PI4KA: variants seen among roughly 807,000 people sequenced by gnomAD.
PI4KA encodes the protein phosphatidylinositol 4-kinase alpha, also known as PI4-kinase alpha.
A neutral mutation model predicts 271.4 loss-of-function variants in PI4KA; 122 were observed. The observed-to-expected ratio is 0.45, with a 90% CI of 0.39 to 0.52. The LOEUF (loss-of-function observed/expected upper bound fraction) is 0.52. PI4KA is among the 20% of genes least tolerant of loss of function. PI4KA has a pLI of 0.00. For missense variants in PI4KA, 1,969 were observed against 2,769.1 expected, an observed-to-expected ratio of 0.71 and a Z score of 6.48; for synonymous variants, 1,041 against 1,078.8, an observed-to-expected ratio of 0.96 and a Z score of 0.69.
In PI4KA at chr22:20,764,630, T is replaced by G. The variant is rs165764; in HGVS notation, c.2708+187A>C. ...GCTTAGATACTGGGAGGTGTTACTA[T>G]ACGTGGTGTCTGGTGGTCATGAAGG... On this transcript the variant is annotated intron_variant, in intron 22 of 54. Transcript: ENST00000255882. 0.42 allele frequency: 229,774 copies of G among 547,848 alleles called. 50,178 individuals carry two copies. Among genetic ancestry groups the G allele is most frequent in the African/African-American group, 0.57 (29,656 of 51,948 alleles). 33.9% of individuals were successfully genotyped at this position (547,848 alleles called of 1,614,324 possible).
intron 27 of PI4KA, among the ~76,000 whole-genome samples, chr22:20,750,619 G>A (rs1930574687): frequency 6.6e-6 from 1 of 152,238 alleles, no homozygotes; most frequent in South Asian, 2.1e-4. Context: ...CTTGTGTCCT[G>A]GGTCTGGGAC....
chr22:20,739,259 T>C (rs1254499135), intron 32 of PI4KA, among the ~76,000 whole-genome samples: 1 of 148,764 alleles, frequency 6.7e-6, no homozygotes, highest in Non-Finnish European at 1.5e-5. Flanking sequence ...GACAGGAGAA[T>C]GGCGTGAACC....
In PI4KA at chr22:20,750,008, A is replaced by C. The variant is rs376560674; in HGVS notation, c.3154-14T>G. On this transcript the variant is annotated splice_polypyrimidine_tract_variant and intron_variant, in intron 27 of 54. Coordinates refer to ENST00000255882, the MANE Select transcript of PI4KA (RefSeq NM_058004.4). ...CTTCACAATGCTCTGGAAGAGGGTGAAGCTGCTTCTCAACAACCCGAGGTC... is the reference window on the plus strand; with the variant it reads ...CTTCACAATGCTCTGGAAGAGGGTGCAGCTGCTTCTCAACAACCCGAGGTC... The C allele has an allele frequency of 1.4e-4, 228 of 1,585,506 alleles. 2 individuals are homozygous for C. In the African/African-American group the frequency reaches 2.9e-3, roughly 20 times the overall value.
At chr22:20,752,575 C>T (rs1482204752) in intron 25 of PI4KA, among the ~76,000 whole-genome samples, 1 of 152,174 alleles carries the variant, frequency 6.6e-6, no homozygotes, top group East Asian at 1.9e-4. Flanking sequence ...CTGATCCTAC[C>T]AGGGGACCTC....
intron 32 of PI4KA, among the ~76,000 whole-genome samples, 174 bp downstream of exon 32, chr22:20,742,054 T>C (rs1475654864): frequency 1.3e-5 from 2 of 152,236 alleles, no homozygotes; most frequent in African/African-American, 2.4e-5. Flanking sequence ...TTAACATATA[T>C]TCTATTTTCT....
chr22:20,814,282 A>G (rs1921448657), intron 7 of PI4KA, among the ~76,000 whole-genome samples: 1 of 152,210 alleles, frequency 6.6e-6, no homozygotes, highest in Non-Finnish European at 1.5e-5. Context: ...TATTAGAGGA[A>G]CTTAAATCAT....
intron 3 of PI4KA, among the ~76,000 whole-genome samples, chr22:20,824,862 G>A (rs1290740395): frequency 1.3e-5 from 2 of 151,332 alleles, no homozygotes; most frequent in East Asian, 1.9e-4. Flanking sequence ...ACCTGAGGTC[G>A]AGTTCAAGAC....
intron 15 of PI4KA, 61 bp downstream of exon 15, chr22:20,799,610 G>T: frequency 2.7e-6 from 3 of 1,127,678 alleles, no homozygotes; most frequent in Non-Finnish European, 3.9e-6. Context: ...AATGCCAGGT[G>T]CCCCACACGA....
At chr22:20,734,851 C>T (rs931972426) in intron 32 of PI4KA, among the ~76,000 whole-genome samples, 1 of 152,088 alleles carries the variant, frequency 6.6e-6, no homozygotes, top group African/African-American at 2.4e-5. Flanking sequence ...CTGACAGGCA[C>T]TGGGTAGGTG....
chr22:20,783,848 C>T lies in PI4KA; in HGVS notation c.2328+9345G>A. ...AAATCAGGCCTCAGGAATCAAGAGA[C>T]TGTGGGGTCGGCTCTGCAGGCTATC... is the stretch of plus-strand genomic sequence containing the variant. On this transcript the variant is annotated intron_variant, in intron 19 of 54. Coordinates refer to ENST00000255882, the MANE Select transcript of PI4KA (RefSeq NM_058004.4). 9 of 1,288,154 alleles carry T rather than the reference C, an allele frequency of 7.0e-6. No homozygotes were observed. The South Asian group carries it at 9.8e-5, about 14-fold the overall frequency. The allele number at this position is 1,288,154 out of a possible 1,614,324, so 79.8% of individuals were successfully genotyped here. A position where few individuals can be genotyped will look rare whatever the true frequency, so the allele number is the denominator to read the frequency against.
intron 7 of PI4KA, among the ~76,000 whole-genome samples, chr22:20,818,133 A>G (rs1922092977): frequency 6.6e-6 from 1 of 152,168 alleles, no homozygotes; most frequent in Non-Finnish European, 1.5e-5. Flanking sequence ...TCAGAAAAAG[A>G]AAAGAAATAT....
In PI4KA at chr22:20,813,449, C is replaced by A; in HGVS notation, c.914G>T (p.Ser305Ile). ...AAGGGGAGAGACTGAGAAGCTGGAG[C>A]TGATGGTTGAAAAGTAGTACTCAGG... Reference protein sequence around the residue: ...LEPEYYFSTISSSFSVSPLFN... With the variant: ...LEPEYYFSTIISSFSVSPLFN... Residue 305 changes from serine (S) to isoleucine (I), a missense_variant, in exon 8 of 55, where the codon AGC becomes ATC. Transcript: ENST00000255882. 1 of 1,613,806 alleles carries A rather than the reference C, an allele frequency of 6.2e-7. No homozygotes were observed. Among genetic ancestry groups the A allele is most frequent in the Non-Finnish European group, 8.5e-7 (1 of 1,179,748 alleles).
At chr22:20,716,393 A>G (rs1309583346) in intron 45 of PI4KA, among the ~76,000 whole-genome samples, 4 of 152,204 alleles carry the variant, frequency 2.6e-5, no homozygotes, top group Non-Finnish European at 5.9e-5. Context: ...AATGTGTGAA[A>G]TAAGAGGACA....
At chr22:20,817,626 T>C (rs1232262471) in intron 7 of PI4KA, among the ~76,000 whole-genome samples, 1 of 149,036 alleles carries the variant, frequency 6.7e-6, no homozygotes. Context: ...CCTAGCTACT[T>C]GGGAGGCTGA....
At chr22:20,858,132 A>G (rs577814756) in intron 1 of PI4KA, among the ~76,000 whole-genome samples, 1 of 152,210 alleles carries the variant, frequency 6.6e-6, no homozygotes, top group African/African-American at 2.4e-5. Context: ...AAGCATCCCC[A>G]TTTTACAAGA....
intron 39 of PI4KA, 46 bp from the exon 40 acceptor site, chr22:20,727,910 C>T (rs369431911): frequency 8.4e-6 from 12 of 1,431,652 alleles, no homozygotes; most frequent in Middle Eastern, 3.5e-4. Context: ...GCCAGGGAAC[C>T]TGCACTCTCC....
chr22:20,833,387 C>T (rs1044505163), intron 3 of PI4KA, among the ~76,000 whole-genome samples: 2 of 152,194 alleles, frequency 1.3e-5, no homozygotes, highest in African/African-American at 2.4e-5. Context: ...CAATGGGGTG[C>T]ATGCTCATTG....
At chr22:20,788,966 C>T (rs1934451060) in intron 19 of PI4KA, among the ~76,000 whole-genome samples, 1 of 152,210 alleles carries the variant, frequency 6.6e-6, no homozygotes, top group Non-Finnish European at 1.5e-5. Flanking sequence ...TCTGCTCACC[C>T]AGCGCCCTCT....
At chr22:20,814,294 C>T (rs1216601584) in intron 7 of PI4KA, among the ~76,000 whole-genome samples, 3 of 152,048 alleles carry the variant, frequency 2.0e-5, no homozygotes, top group East Asian at 1.9e-4. Flanking sequence ...TTAAATCATA[C>T]ATAGAGGTAG....
Sources: gnomAD v4.1 joint callset for allele counts (sites outside exome capture counted in the v4.1 genomes callset) on GRCh38, gnomAD v4.1.1 for gene constraint, MANE v1.5 for transcripts, NCBI Gene and HGNC (gene_info 2026-07-23, HGNC 2026-07-21) for gene names.